Variants in QARS1 observed in about 807,000 individuals in gnomAD.
QARS1 encodes the protein glutaminyl-tRNA synthetase 1.
Under a neutral mutation model 106.9 loss-of-function variants are expected in QARS1, and 79 were observed. The observed-to-expected ratio is 0.74, with a 90% confidence interval of 0.62 to 0.89. The LOEUF is 0.89. Ranked by LOEUF, QARS1 falls within the 40% of genes least tolerant of loss-of-function variation. The pLI, the probability that QARS1 is intolerant of heterozygous loss-of-function variation, is 0.00. For synonymous variants in QARS1, 395 were observed against 367.7 expected, an observed-to-expected ratio of 1.07 and a Z score of -0.85; for missense variants, 966 against 997.2, an observed-to-expected ratio of 0.97 and a Z score of 0.42.
chr3:49,100,450 G>C lies in QARS1; in HGVS notation c.985C>G (p.Pro329Ala). 1 of 1,614,206 alleles carries C rather than the reference G, an allele frequency of 6.2e-7. No homozygotes were observed. The highest frequency in any genetic ancestry group is 8.5e-7 in the Non-Finnish European group (1 of 1,180,018). Residue 329 changes from proline to alanine, a missense_variant, in exon 12 of 24, where the codon CCT becomes GCT. Coordinates refer to ENST00000306125, the MANE Select transcript of QARS1 (RefSeq NM_005051.3). ...TCAGACGCATATGTGACTTTGTAAG[G>C]TGTGTAGCCTGGGGCAAAATGAAAC... Reference protein sequence around the residue: ...CDMVAWLGYTPYKVTYASDYF... With the variant: ...CDMVAWLGYTAYKVTYASDYF...
At chr3:49,102,570 AC>A in intron 5 of QARS1, 98 bp from the exon 6 acceptor site, 1 of 1,355,904 alleles carries the variant, frequency 7.4e-7, no homozygotes, top group Non-Finnish European at 1.0e-6. Flanking sequence ...TGGCCTATCT[AC>A]CAGCACTGAC....
intron 5 of QARS1, 96 bp from the exon 6 acceptor site, chr3:49,102,568 C>T (rs2042485383): frequency 2.2e-6 from 3 of 1,384,790 alleles, no homozygotes; most frequent in African/African-American, 2.9e-5. Context: ...CCTGGCCTAT[C>T]TACCAGCACT....
At position 49,099,612 on chromosome 3, in the gene QARS1, T is replaced by A; in HGVS notation, c.1424A>T (p.Asp475Val). ...SSYFWLCNAL[D>V]VYCPVQWEYG... ...CTCCCACTGCACAGGGCAATAGACG[T>A]CCAGTGCATTGCAAAGCCAGAAGTA... Residue 475 changes from aspartate (D) to valine (V), a missense_variant, in exon 16 of 24, where the codon GAC (aspartate) becomes GTC (valine). Coordinates refer to ENST00000306125, the MANE Select transcript of QARS1 (RefSeq NM_005051.3). 1 of 1,614,036 alleles carries A rather than the reference T, an allele frequency of 6.2e-7. No individual in the cohort carries two copies. Among genetic ancestry groups the A allele is most frequent in the Non-Finnish European group, 8.5e-7 (1 of 1,179,952 alleles).
rs371682927 is a variant in QARS1 at position 49,104,578 on chromosome 3, A to G, written c.117+39T>C. 1.0e-5 allele frequency: 16 copies of G among 1,597,660 alleles called. No individual in the cohort carries two copies. The African/African-American group carries it at 1.9e-4, about 19-fold the overall frequency. On this transcript the variant is annotated intron_variant, in intron 1 of 23. Coordinates refer to ENST00000306125, the MANE Select transcript of QARS1 (RefSeq NM_005051.3). ...ACCCCGCCCCGCGCTGCGTTGCAGC[A>G]TGGTCTGCAAACCAGGCCGGGGGCA...
chr3:49,104,032 G>A (rs1299744578), intron 2 of QARS1, 60 bp from the exon 3 acceptor site: 6 of 1,456,982 alleles, frequency 4.1e-6, no homozygotes, highest in Admixed American at 1.8e-5. Context: ...GACAGACAGG[G>A]TCCTAATCTC....
rs374561502 is a variant in QARS1, at chr3:49,099,956, C to A, written c.1295+5G>T. On this transcript the variant is annotated splice_donor_5th_base_variant and intron_variant, in intron 14 of 23. Transcript: ENST00000306125. ...CCCCACCACCCCACCCCATTCTACACCCACCATTTGTCCCCTGTGCGGTGG... is the reference window on the plus strand; with the variant it reads ...CCCCACCACCCCACCCCATTCTACAACCACCATTTGTCCCCTGTGCGGTGG... 1.2e-6 allele frequency: 2 copies of A among 1,614,198 alleles called. No individual in the cohort carries two copies. Among genetic ancestry groups the A allele is most frequent in the African/African-American group, 2.7e-5 (2 of 75,050 alleles).
At position 49,099,205 on chromosome 3, in the gene QARS1, C is replaced by G; in HGVS notation, c.1663G>C (p.Ala555Pro). Residue 555 changes from alanine (A) to proline (P), a missense_variant, in exon 18 of 24, where the codon GCC becomes CCC. Physicochemically the swap from Ala to Pro is conservative, Grantham distance 27. Coordinates refer to ENST00000306125, the MANE Select transcript of QARS1 (RefSeq NM_005051.3). ...QTTMEPHLLE[A>P]CVRDVLNDTA... ...TCATTCAGCACATCACGCACACAGG[C>G]TTCTAGAAGATGTGGCTCCATTGTG... is the stretch of plus-strand genomic sequence containing the variant. 6.2e-7 allele frequency: 1 copy of G among 1,614,212 alleles called. No homozygotes were observed. Among genetic ancestry groups the G allele is most frequent in the Non-Finnish European group, 8.5e-7 (1 of 1,180,028 alleles).
At position 49,099,170 on chromosome 3, in the gene QARS1, T is replaced by G. The variant is rs1300030787; in HGVS notation, c.1698A>C (p.Pro566=). 6.2e-7 allele frequency: 1 copy of G among 1,614,048 alleles called. No homozygotes were observed. Among genetic ancestry groups the G allele is most frequent in the East Asian group, 2.2e-5 (1 of 44,894 alleles). The change falls in exon 18 of 24, where the codon CCA becomes CCC. Residue 566 remains proline, a synonymous_variant. Coordinates refer to ENST00000306125, the MANE Select transcript of QARS1 (RefSeq NM_005051.3). ...GTGACTCCAGCACAGCCATGGCTCG[T>G]GGGGCTGTGTCATTCAGCACATCAC... ...CVRDVLNDTA[P]RAMAVLESLR... is the part of the protein sequence containing the mutation.
At chr3:49,099,477 T>C in intron 16 of QARS1, 33 bp downstream of exon 16, 1 of 1,614,158 alleles carries the variant, frequency 6.2e-7, no homozygotes, top group African/African-American at 1.3e-5. Flanking sequence ...GCATATGCCA[T>C]TAACCTTTCA....
chr3:49,104,498 G>A (rs749356838), intron 1 of QARS1, 27 bp from the exon 2 acceptor site: 2 of 1,612,342 alleles, frequency 1.2e-6, no homozygotes, highest in South Asian at 1.1e-5. Flanking sequence ...CAAGAGAGAA[G>A]CCCCGCGCTC....
At position 49,103,732 on chromosome 3, in the gene QARS1, C is replaced by T. The variant is rs373564955; in HGVS notation, c.376-26G>A. The T allele has an allele frequency of 1.1e-4, 171 of 1,611,634 alleles. 1 individual carries two copies. The highest frequency in any genetic ancestry group is 9.9e-4 in the Middle Eastern group (6 of 6,060). On this transcript the variant is annotated intron_variant, in intron 3 of 23. Transcript: ENST00000306125. ...CTGCAGAAAGCCAAACCATGTGGTT[C>T]AGGAAAGCCACCTTTAGAGATATTC...
At chr3:49,100,989 A>G (rs1348680886) in intron 10 of QARS1, among the ~76,000 whole-genome samples, 1 of 152,092 alleles carries the variant, frequency 6.6e-6, no homozygotes, top group Admixed American at 6.6e-5. Flanking sequence ...TGATCCACCC[A>G]CTTTAGCCTC....
At chr3:49,101,971 G>A (rs2042477733) in intron 7 of QARS1, 72 bp from the exon 8 acceptor site, 6 of 1,481,610 alleles carry the variant, frequency 4.0e-6, no homozygotes, top group Admixed American at 2.1e-5. Context: ...GAACAGAACT[G>A]AGTAGACCCC....
At position 49,100,401 on chromosome 3, in the gene QARS1, C is replaced by A; in HGVS notation, c.1034G>T (p.Trp345Leu). Residue 345 changes from tryptophan (W) to leucine (L), a missense_variant, in exon 12 of 24, where the codon TGG becomes TTG. Physicochemically the swap from Trp to Leu is moderately conservative, Grantham distance 61. Transcript: ENST00000306125. ...TTACCTGCGGATGAGCTCCACAGCC[C>A]ACGCATATAGCTGGTCAAAATAGTC... ...ASDYFDQLYAWAVELIRRGLA... is the reference protein window; with the variant it reads ...ASDYFDQLYALAVELIRRGLA... 6.2e-7 allele frequency: 1 copy of A among 1,614,246 alleles called. No individual in the cohort carries two copies. Among genetic ancestry groups the A allele is most frequent in the Non-Finnish European group, 8.5e-7 (1 of 1,180,044 alleles).
intron 13 of QARS1, 32 bp from the exon 14 acceptor site, chr3:49,100,123 AG>A (rs2042449591): frequency 1.2e-6 from 2 of 1,614,216 alleles, no homozygotes; most frequent in Admixed American, 1.7e-5. Flanking sequence ...GCTGTCTCTA[AG>A]CACAGGAGCA....
chr3:49,103,608 G>T, intron 4 of QARS1, 23 bp downstream of exon 4: 1 of 1,609,846 alleles, frequency 6.2e-7, no homozygotes, highest in Non-Finnish European at 8.5e-7. Context: ...GAACAATATA[G>T]CCCCGTTCCA....
chr3:49,103,673 G>A lies in QARS1; in HGVS notation c.409C>T (p.Leu137Phe), dbSNP rs1234032225. ...TTGAAATGGTAACGTTCCACCAGGA[G>A]CTGGGGCCGGTGCCTGTTAATAGCA... ...EAAINRHRPQ[L>F]LVERYHFNMG... Residue 137 changes from leucine to phenylalanine, a missense_variant, in exon 4 of 24, where the codon CTC (leucine) becomes TTC (phenylalanine). Transcript: ENST00000306125. 1 of 1,613,884 alleles carries A rather than the reference G, an allele frequency of 6.2e-7. No homozygotes were observed. The highest frequency in any genetic ancestry group is 2.2e-5 in the East Asian group (1 of 44,866).
chr3:49,103,431 G>A, intron 4 of QARS1, 22 bp from the exon 5 acceptor site: 1 of 1,613,974 alleles, frequency 6.2e-7, no homozygotes. Flanking sequence ...GGCACAAGGA[G>A]CTGCAGAAAG....
Position 49,095,937 on chromosome 3 carries a change from G to A in QARS1, c.*92C>T. ...TGCAGAGATAACACACAGACTCTAG[G>A]AGAATTTAGCTGTTCTTTATTGACA... On this transcript the variant is annotated 3_prime_UTR_variant, in exon 24 of 24. Transcript: ENST00000306125. 1 of 1,218,446 alleles carries A rather than the reference G, an allele frequency of 8.2e-7. No individual in the cohort carries two copies. Among genetic ancestry groups the A allele is most frequent in the East Asian group, 2.4e-5 (1 of 41,818 alleles). 75.5% of individuals were successfully genotyped at this position (1,218,446 alleles called of 1,614,324 possible). A position where few individuals can be genotyped will look rare whatever the true frequency, so the allele number is the denominator to read the frequency against.
Sources: allele counts gnomAD v4.1 joint callset (sites outside exome capture counted in the v4.1 genomes callset), GRCh38; gene constraint gnomAD v4.1.1; transcripts MANE v1.5; gene names NCBI Gene and HGNC (gene_info 2026-07-23, HGNC 2026-07-21).